Variants in NCAM2 observed in about 807,000 individuals in gnomAD.
The protein encoded by NCAM2 is neural cell adhesion molecule 2.
A neutral mutation model predicts 98.1 loss-of-function variants in NCAM2; 30 were observed. That is an observed-to-expected ratio of 0.31 (90% CI 0.23 to 0.41). The LOEUF is 0.41. NCAM2 is among the 10% of genes least tolerant of loss of function. The pLI is 1.00. For synonymous variants in NCAM2, 368 were observed against 342.4 expected (o/e 1.07, Z -0.83); for missense variants, 867 against 1,005.8 (o/e 0.86, Z 1.87).
chr21:21,033,884 T>C (rs937185045), intron 1 of NCAM2, among the ~76,000 whole-genome samples: 3 of 152,132 alleles, frequency 2.0e-5, no homozygotes, highest in Non-Finnish European at 2.9e-5. Flanking sequence ...CTGCAGGCCC[T>C]GTTAATAGTC....
intron 1 of NCAM2, among the ~76,000 whole-genome samples, chr21:21,196,793 C>G (rs914921769): frequency 1.3e-4 from 20 of 152,322 alleles, no homozygotes; most frequent in Non-Finnish European, 7.4e-5. Flanking sequence ...CTCATGCCCG[C>G]TTGTTATCCC....
At chr21:21,288,498 T>G (rs2073181249) in intron 4 of NCAM2, among the ~76,000 whole-genome samples, 1 of 151,940 alleles carries the variant, frequency 6.6e-6, no homozygotes, top group Admixed American at 6.6e-5. Context: ...CACTAAGTTG[T>G]GTGGCAGGTG....
intron 1 of NCAM2, among the ~76,000 whole-genome samples, chr21:21,007,207 T>A (rs58581104): frequency 0.048 from 7,350 of 152,202 alleles, 217 homozygotes; most frequent in Non-Finnish European, 0.058. Flanking sequence ...GAAAATAAGC[T>A]CACTTGTAGT....
intron 9 of NCAM2, among the ~76,000 whole-genome samples, chr21:21,389,180 T>A (rs1174119217): frequency 1.3e-5 from 2 of 152,202 alleles, no homozygotes; most frequent in Non-Finnish European, 2.9e-5. Flanking sequence ...GGGGGAAGCC[T>A]TACAATCATT....
rs2146087716 is a variant in NCAM2 at position 20,998,572 on chromosome 21, C to T, written c.9C>T (p.Leu3=). Residue 3 remains leucine (L), a synonymous_variant, in exon 1 of 18, where the codon CTC becomes CTT. Coordinates refer to ENST00000400546, the MANE Select transcript of NCAM2 (RefSeq NM_004540.5). MS[L]LLSFYLLGLL... is the part of the protein sequence containing the mutation. ...GGTGTCACGTCCTGAACATGAGCCT[C>T]CTCCTCTCCTTCTACCTGCTGGGGT... 4.3e-6 allele frequency: 7 copies of T among 1,614,104 alleles called. No individual in the cohort carries two copies. The highest frequency in any genetic ancestry group is 5.9e-6 in the Non-Finnish European group (7 of 1,179,996).
chr21:21,022,161 ATAGTT>A (rs1398296558), intron 1 of NCAM2, among the ~76,000 whole-genome samples: 1 of 152,072 alleles, frequency 6.6e-6, no homozygotes, highest in Non-Finnish European at 1.5e-5. Context: ...TCTAATTAGA[ATAGTT>A]TAGTTGAAAA....
intron 15 of NCAM2, among the ~76,000 whole-genome samples, chr21:21,482,492 C>G (rs1234443587): frequency 6.6e-6 from 1 of 151,832 alleles, no homozygotes; most frequent in South Asian, 2.1e-4. Context: ...ATATTTCATG[C>G]ATTGTAGACT....
At chr21:21,352,824 AT>A (rs2083836283) in intron 8 of NCAM2, among the ~76,000 whole-genome samples, 1 of 133,652 alleles carries the variant, frequency 7.5e-6, no homozygotes, top group Non-Finnish European at 1.7e-5. Context: ...AGATTAGAAA[AT>A]TAAAAAAAAA....
At chr21:21,459,476 T>C (rs761967531) in intron 12 of NCAM2, among the ~76,000 whole-genome samples, 16 of 148,270 alleles carry the variant, frequency 1.1e-4, no homozygotes, top group Non-Finnish European at 2.1e-4. Context: ...TACACACATA[T>C]AATATTCCTG....
At chr21:21,357,324 T>A (rs905991840) in intron 8 of NCAM2, among the ~76,000 whole-genome samples, 11 of 152,146 alleles carry the variant, frequency 7.2e-5, no homozygotes, top group African/African-American at 2.7e-4. Context: ...TGACAAAAAT[T>A]ACTTAGACTT....
At chr21:21,024,086 A>C (rs963559144) in intron 1 of NCAM2, among the ~76,000 whole-genome samples, 1 of 152,240 alleles carries the variant, frequency 6.6e-6, no homozygotes, top group African/African-American at 2.4e-5. Context: ...CAAAGCAATA[A>C]TACAAAGAAT....
intron 1 of NCAM2, among the ~76,000 whole-genome samples, chr21:21,194,682 TTTTA>T (rs1460547442): frequency 1.3e-5 from 2 of 152,270 alleles, no homozygotes; most frequent in African/African-American, 4.8e-5. Context: ...GATTTCAATA[TTTTA>T]TTTTGTATTT....
At chr21:21,440,926 T>G (rs1487427671) in intron 12 of NCAM2, among the ~76,000 whole-genome samples, 1 of 152,164 alleles carries the variant, frequency 6.6e-6, no homozygotes, top group Non-Finnish European at 1.5e-5. Context: ...GGTAGAAATA[T>G]AAGTCAAGTT....
At chr21:21,452,958 TATATATTATATATTATTA>T (rs1981469512) in intron 12 of NCAM2, among the ~76,000 whole-genome samples, 1 of 34,088 alleles carries the variant, frequency 2.9e-5, no homozygotes, top group South Asian at 4.7e-4. Flanking sequence ...TACTATATAT[TATATATTATATATTATTA>T]TATATTATAT....
At chr21:21,175,779 C>G (rs1456451480) in intron 1 of NCAM2, among the ~76,000 whole-genome samples, 1 of 152,094 alleles carries the variant, frequency 6.6e-6, no homozygotes, top group African/African-American at 2.4e-5. Context: ...AAGTAAAATT[C>G]AGTGTTAGTG....
At chr21:21,019,614 A>G (rs1233909041) in intron 1 of NCAM2, among the ~76,000 whole-genome samples, 2 of 152,208 alleles carry the variant, frequency 1.3e-5, no homozygotes, top group South Asian at 2.1e-4. Context: ...TAGTATTACA[A>G]TAGAGCCAAT....
chr21:21,265,217 ATAT>A (rs1229943735), intron 1 of NCAM2, among the ~76,000 whole-genome samples: 3 of 125,388 alleles, frequency 2.4e-5, no homozygotes, highest in African/African-American at 8.7e-5. Context: ...TGTATATAGT[ATAT>A]TATATTATAT....
chr21:21,452,770 A>AT (rs1981398827), intron 12 of NCAM2, among the ~76,000 whole-genome samples: 2 of 80,692 alleles, frequency 2.5e-5, no homozygotes, highest in Non-Finnish European at 4.5e-5. Context: ...TTTATGTATT[A>AT]AAATATAGTA....
Position 21,418,577 on chromosome 21 carries a change from T to A in NCAM2, c.1480+8T>A. 2 of 1,567,706 alleles carry A rather than the reference T, an allele frequency of 1.3e-6. No individual in the cohort carries two copies. Among genetic ancestry groups the A allele is most frequent in the Non-Finnish European group, 1.8e-6 (2 of 1,138,904 alleles). On this transcript the variant is annotated splice_region_variant and intron_variant, in intron 11 of 17. Transcript: ENST00000400546. ...ATATTCTTGCTTTGGCTGGTAAGTA[T>A]AGCACAATAATTTTTGAGATCGCAC...
Sources: allele counts gnomAD v4.1 joint callset (sites outside exome capture counted in the v4.1 genomes callset), GRCh38; gene constraint gnomAD v4.1.1; transcripts MANE v1.5; gene names NCBI Gene and HGNC (gene_info 2026-07-23, HGNC 2026-07-21).